ODAM: variants seen among roughly 807,000 people sequenced by gnomAD.
ODAM encodes odontogenic ameloblast-associated protein.
A neutral mutation model predicts 48.5 loss-of-function variants in ODAM; 55 were observed. That is an observed-to-expected ratio of 1.13 (90% CI 0.91 to 1.42). The LOEUF (loss-of-function observed/expected upper bound fraction) is 1.42, where lower values mean the gene tolerates loss of function less well. Ranked by LOEUF, ODAM falls within the 40% of genes most tolerant of loss-of-function variation. The pLI, the probability that ODAM is intolerant of heterozygous loss-of-function variation, is 0.00. For synonymous variants in ODAM, 127 were observed against 107.8 expected, an observed-to-expected ratio of 1.18 and a Z score of -1.10; for missense variants, 353 against 323.6, an observed-to-expected ratio of 1.09 and a Z score of -0.70.
intron 4 of ODAM, 77 bp downstream of exon 4, chr4:70,197,398 A>C: frequency 1.2e-6 from 1 of 849,646 alleles, no homozygotes; most frequent in Non-Finnish European, 2.0e-6. Context: ...AGAAAACAAA[A>C]TGTTTCCTGA....
rs1729370520 is a variant in ODAM at position 70,196,614 on chromosome 4, T to A, written c.51+20T>A. ...GCCCCAGTAAGTGATTTTATGGCAC[T>A]ACTAGTCCCACTGTGTTAAACCTTC... On this transcript the variant is annotated intron_variant, in intron 2 of 11. Coordinates refer to ENST00000683306, the MANE Select transcript of ODAM (RefSeq NM_017855.4). 2 of 1,592,966 alleles carry A rather than the reference T, an allele frequency of 1.3e-6. No individual in the cohort carries two copies. Among genetic ancestry groups the A allele is most frequent in the Non-Finnish European group, 1.7e-6 (2 of 1,163,446 alleles).
At chr4:70,203,077 T>C (rs1729542486) in intron 10 of ODAM, 79 bp from the exon 11 acceptor site, 1 of 1,374,736 alleles carries the variant, frequency 7.3e-7, no homozygotes, top group Admixed American at 1.8e-5. Context: ...CCAAAACTTG[T>C]TTTTGATAAT....
intron 7 of ODAM, among the ~76,000 whole-genome samples, chr4:70,200,832 A>G (rs2109818984): frequency 6.6e-6 from 1 of 152,066 alleles, no homozygotes; most frequent in East Asian, 1.9e-4. Context: ...CAGTAAGTGG[A>G]CTTCAATAGA....
At chr4:70,200,744 T>C in intron 7 of ODAM, 143 bp downstream of exon 7, 1 of 521,468 alleles carries the variant, frequency 1.9e-6, no homozygotes, top group Non-Finnish European at 3.4e-6. Flanking sequence ...AGAGGGTAGG[T>C]ATAGTGTTCT....
chr4:70,198,228 T>C, intron 5 of ODAM, 71 bp downstream of exon 5: 1 of 1,250,598 alleles, frequency 8.0e-7, no homozygotes, highest in Non-Finnish European at 1.1e-6. Context: ...TGAATATGAA[T>C]CAGCTTTGAA....
chr4:70,196,831 C>T, intron 3 of ODAM, 98 bp downstream of exon 3: 1 of 923,614 alleles, frequency 1.1e-6, no homozygotes, highest in Non-Finnish European at 1.7e-6. Flanking sequence ...TGTTCCTCAC[C>T]ACTAGCTTTT....
In ODAM at chr4:70,196,520, A is replaced by G. The variant is rs1729367772; in HGVS notation, c.-15-9A>G. On this transcript the variant is annotated splice_polypyrimidine_tract_variant and intron_variant, in intron 1 of 11. Transcript: ENST00000683306. ...TTTATAAAGCTAAAGATCACAACTT[A>G]TTTTCTAGATATATCATACGAAAAT... 6.8e-7 allele frequency: 1 copy of G among 1,471,334 alleles called. No homozygotes were observed. Among genetic ancestry groups the G allele is most frequent in the Admixed American group, 1.8e-5 (1 of 55,370 alleles). The allele number at this position is 1,471,334 out of a possible 1,614,324, so 91.1% of individuals were successfully genotyped here. A position where few individuals can be genotyped will look rare whatever the true frequency, so the allele number is the denominator to read the frequency against.
In ODAM at chr4:70,202,248, G is replaced by C. The variant is rs1729513368; in HGVS notation, c.577-10G>C. On this transcript the variant is annotated splice_polypyrimidine_tract_variant and intron_variant, in intron 8 of 11. Transcript: ENST00000683306. ...TGATTTAGACTTTTTAAAACTTTTT[G>C]TGTTTTTAGGCTATATCAGGAGGAC... 1.9e-6 allele frequency: 3 copies of C among 1,608,128 alleles called. No homozygotes were observed. The South Asian group carries it at 3.3e-5, about 18-fold the overall frequency.
At chr4:70,200,687 G>A (rs1729476783) in intron 7 of ODAM, 86 bp downstream of exon 7, 1 of 820,736 alleles carries the variant, frequency 1.2e-6, no homozygotes, top group East Asian at 2.7e-5. Flanking sequence ...AAAAGTTTCT[G>A]AGTATATTTA....
At chr4:70,197,187 T>G in intron 3 of ODAM, 87 bp from the exon 4 acceptor site, 1 of 713,724 alleles carries the variant, frequency 1.4e-6, no homozygotes, top group Non-Finnish European at 2.5e-6. Flanking sequence ...CAACCAGCTA[T>G]GACTTGTGCT....
chr4:70,203,925 A>G (rs1849713), intron 11 of ODAM, among the ~76,000 whole-genome samples: 38,010 of 151,872 alleles, frequency 0.25, 5,211 homozygotes, highest in South Asian at 0.49. Context: ...AAACACAACC[A>G]AGTGAACAGT....
chr4:70,196,811 A>G lies in ODAM; in HGVS notation c.93+78A>G, dbSNP rs3756130. Reference sequence around the variant, plus strand: ...GGGAAGAGATAGAAGTCGTCATTTAATTTATACTGTGTTCCTCACCACTAG... The same window carrying G: ...GGGAAGAGATAGAAGTCGTCATTTAGTTTATACTGTGTTCCTCACCACTAG... On this transcript the variant is annotated intron_variant, in intron 3 of 11. Transcript: ENST00000683306. 4 of 1,160,386 alleles carry G rather than the reference A, an allele frequency of 3.4e-6. No individual in the cohort carries two copies. The East Asian group carries it at 9.6e-5, about 28-fold the overall frequency. The allele number at this position is 1,160,386 out of a possible 1,614,324, so 71.9% of individuals were successfully genotyped here.
At chr4:70,198,290 C>A in intron 5 of ODAM, 133 bp downstream of exon 5, 1 of 740,722 alleles carries the variant, frequency 1.4e-6, no homozygotes. Context: ...TTTCTACCAT[C>A]GCTGTAAGTT....
chr4:70,198,276 T>C (rs1041152522), intron 5 of ODAM, 119 bp downstream of exon 5: 20 of 832,244 alleles, frequency 2.4e-5, no homozygotes, highest in Non-Finnish European at 3.5e-5. Context: ...TTTCTCATTA[T>C]ATGTTTCTAC....
chr4:70,195,999 C>T (rs940506008), intron 1 of ODAM, among the ~76,000 whole-genome samples: 7 of 151,896 alleles, frequency 4.6e-5, no homozygotes, highest in African/African-American at 7.2e-5. Flanking sequence ...TAATCTATTG[C>T]CATAAATTAC....
At chr4:70,199,968 AAG>A in intron 6 of ODAM, 1 of 314,652 alleles carries the variant, frequency 3.2e-6, no homozygotes, top group Non-Finnish European at 6.1e-6. Flanking sequence ...GTAGGTGGGG[AAG>A]TTTCAGATGA....
At chr4:70,199,010 C>A (rs1729440288) in intron 6 of ODAM, among the ~76,000 whole-genome samples, 1 of 151,984 alleles carries the variant, frequency 6.6e-6, no homozygotes, top group African/African-American at 2.4e-5. Context: ...ATGCACTAAG[C>A]TGATAATATA....
rs1024898844 is a variant in ODAM at position 70,202,854 on chromosome 4, C to T, written c.747C>T (p.Ser249=). The T allele has an allele frequency of 1.5e-5, 24 of 1,612,254 alleles. No individual in the cohort carries two copies. Among genetic ancestry groups the T allele is most frequent in the Non-Finnish European group, 2.0e-5 (23 of 1,179,034 alleles). The change falls in exon 10 of 12, where the codon AGC becomes AGT. Residue 249 remains serine (S), a synonymous_variant. Transcript: ENST00000683306. ...VFMPSTSPKP[S]TTNVFTSAVD... ...TGCCCTCAACTTCACCAAAACCCAG[C>T]ACAACCAATGTTTTCACTTCTGCTG... is the stretch of plus-strand genomic sequence containing the variant.
rs749237312 is a variant in ODAM, at chr4:70,203,136, G to A, written c.811-20G>A. ...TTTCAATTTAATAACAGTTTCTTAT[G>A]AATGTCCTTTTCTCACTAGGACAAG... On this transcript the variant is annotated intron_variant, in intron 10 of 11. Coordinates refer to ENST00000683306, the MANE Select transcript of ODAM (RefSeq NM_017855.4). The A allele has an allele frequency of 8.9e-6, 14 of 1,569,202 alleles. No individual in the cohort carries two copies. Among genetic ancestry groups the A allele is most frequent in the Admixed American group, 5.1e-5 (3 of 58,954 alleles).
Sources: gnomAD v4.1 joint callset for allele counts (sites outside exome capture counted in the v4.1 genomes callset) on GRCh38, gnomAD v4.1.1 for gene constraint, MANE v1.5 for transcripts, NCBI Gene and HGNC (gene_info 2026-07-23, HGNC 2026-07-21) for gene names.